Variants in CTNNA2 observed in about 807,000 individuals in gnomAD.
The protein encoded by CTNNA2 is catenin alpha-2.
CTNNA2 carries 42 observed loss-of-function variants against 101.0 expected under a neutral mutation model. That is an observed-to-expected ratio of 0.42 (90% CI 0.32 to 0.54). The LOEUF is 0.54. Among genes scored for constraint, CTNNA2 ranks in the 20% least tolerant of loss-of-function variants. The pLI is 0.14. For missense variants in CTNNA2, 871 were observed against 1,223.1 expected, an observed-to-expected ratio of 0.71 and a Z score of 4.29; for synonymous variants, 450 against 456.4, an observed-to-expected ratio of 0.99 and a Z score of 0.18.
At chr2:79,366,179 A>T (rs1479111863) in intron 3 of CTNNA2, among the ~76,000 whole-genome samples, 1 of 152,212 alleles carries the variant, frequency 6.6e-6, no homozygotes, top group Non-Finnish European at 1.5e-5. Context: ...TTGATAATGA[A>T]ACAAACATTT....
chr2:80,428,045 C>T (rs1260920907), intron 9 of CTNNA2, among the ~76,000 whole-genome samples: 1 of 152,124 alleles, frequency 6.6e-6, no homozygotes, highest in Non-Finnish European at 1.5e-5. Flanking sequence ...AAAGTCTTCC[C>T]TTCTAAGATG....
intron 18 of CTNNA2, among the ~76,000 whole-genome samples, chr2:80,628,134 G>C (rs1398129556): frequency 1.3e-5 from 2 of 152,126 alleles, no homozygotes; most frequent in Admixed American, 6.5e-5. Flanking sequence ...AAATGGAAAA[G>C]CATTCCATGC....
chr2:79,925,689 C>T (rs1686974156), intron 7 of CTNNA2, among the ~76,000 whole-genome samples: 1 of 152,002 alleles, frequency 6.6e-6, no homozygotes, highest in Non-Finnish European at 1.5e-5. Context: ...TAGTAAGTGA[C>T]CAGGAGAGAG....
intron 12 of CTNNA2, among the ~76,000 whole-genome samples, chr2:80,564,130 A>T (rs368701200): frequency 6.6e-6 from 1 of 152,196 alleles, no homozygotes. Context: ...TTAATGATCA[A>T]GATAAGAATC....
At chr2:80,415,505 A>G (rs1271526586) in intron 8 of CTNNA2, among the ~76,000 whole-genome samples, 1 of 152,150 alleles carries the variant, frequency 6.6e-6, no homozygotes, top group Non-Finnish European at 1.5e-5. Flanking sequence ...CATTAGACAG[A>G]ACTGAGAAAG....
intron 4 of CTNNA2, among the ~76,000 whole-genome samples, chr2:79,867,269 T>G (rs561928725): frequency 5.3e-5 from 8 of 152,334 alleles, no homozygotes; most frequent in Admixed American, 4.6e-4. Context: ...ATATTAATTT[T>G]GAATTGTCAA....
At chr2:80,072,881 T>C (rs1280648555) in intron 7 of CTNNA2, among the ~76,000 whole-genome samples, 1 of 152,194 alleles carries the variant, frequency 6.6e-6, no homozygotes, top group African/African-American at 2.4e-5. Context: ...ATGTTCCATT[T>C]GATATTATTG....
chr2:79,727,903 G>C (rs958440614), intron 2 of CTNNA2, among the ~76,000 whole-genome samples: 2 of 151,928 alleles, frequency 1.3e-5, no homozygotes, highest in African/African-American at 2.4e-5. Context: ...CAAAGGACAT[G>C]AACTCATCAT....
intron 3 of CTNNA2, among the ~76,000 whole-genome samples, chr2:79,322,901 C>T (rs1338481522): frequency 2.6e-5 from 4 of 152,200 alleles, no homozygotes; most frequent in African/African-American, 9.7e-5. Flanking sequence ...GTGGCTTTCA[C>T]TAGTGAGGCA....
chr2:79,380,389 A>T (rs201609842), intron 4 of CTNNA2, among the ~76,000 whole-genome samples: 1 of 10,916 alleles, frequency 9.2e-5, no homozygotes, highest in African/African-American at 2.4e-4. Context: ...TTTTATGAAA[A>T]TGGAAGATTT....
chr2:79,283,296 C>T (rs1236743748), intron 2 of CTNNA2, among the ~76,000 whole-genome samples: 2 of 111,946 alleles, frequency 1.8e-5, no homozygotes, highest in Admixed American at 9.7e-5. Context: ...TCTTTTGTTG[C>T]CATTGCTTTT....
At chr2:79,472,118 C>A (rs190439485) in intron 4 of CTNNA2, among the ~76,000 whole-genome samples, 33 of 152,242 alleles carry the variant, frequency 2.2e-4, no homozygotes, top group Middle Eastern at 3.4e-3. Flanking sequence ...TGAAATCAAA[C>A]AAGTTATGTG....
chr2:80,595,715 T>C (rs1249933263), intron 15 of CTNNA2, among the ~76,000 whole-genome samples: 1 of 152,184 alleles, frequency 6.6e-6, no homozygotes, highest in Non-Finnish European at 1.5e-5. Flanking sequence ...TATGTTCTGT[T>C]GGTGTATATG....
chr2:80,080,017 G>C (rs1194692430), intron 7 of CTNNA2, among the ~76,000 whole-genome samples: 1 of 152,022 alleles, frequency 6.6e-6, no homozygotes, highest in Non-Finnish European at 1.5e-5. Context: ...ATAATGATTT[G>C]AGCCTTGCAC....
At chr2:79,299,537 TGATGGGAG>T (rs1676059548) in intron 2 of CTNNA2, among the ~76,000 whole-genome samples, 1 of 152,166 alleles carries the variant, frequency 6.6e-6, no homozygotes, top group Non-Finnish European at 1.5e-5. Context: ...GCCAAACCGG[TGATGGGAG>T]AAATTAAAAA....
rs1055850401 is a variant in CTNNA2 at position 79,401,688 on chromosome 2, C to T, written c.-135+27675C>T. Reference sequence around the variant, plus strand: ...GAAAACAAACCAGTAATGATAAAATCGAAAAACTAAAAAAAACCCAGATGT... The same window carrying T: ...GAAAACAAACCAGTAATGATAAAATTGAAAAACTAAAAAAAACCCAGATGT... On this transcript the variant is annotated intron_variant, in intron 4 of 21. Transcript: ENST00000466387. Among the ~76,000 whole-genome samples, 13 of 150,636 alleles carry T rather than the reference C, an allele frequency of 8.6e-5. No homozygotes were observed. The East Asian group carries it at 1.2e-3, about 14-fold the overall frequency.
chr2:79,786,512 G>C (rs1488504608), intron 3 of CTNNA2, among the ~76,000 whole-genome samples: 4 of 151,518 alleles, frequency 2.6e-5, no homozygotes, highest in Non-Finnish European at 5.9e-5. Context: ...TTTTGGATGT[G>C]TTGGGGGAAT....
intron 7 of CTNNA2, among the ~76,000 whole-genome samples, chr2:79,968,362 G>A (rs1289134654): frequency 6.6e-6 from 1 of 152,236 alleles, no homozygotes; most frequent in South Asian, 2.1e-4. Flanking sequence ...AAATTCATGA[G>A]AACAGAAAAT....
At chr2:79,407,568 C>T (rs1394444289) in intron 4 of CTNNA2, among the ~76,000 whole-genome samples, 1 of 151,942 alleles carries the variant, frequency 6.6e-6, no homozygotes, top group Non-Finnish European at 1.5e-5. Flanking sequence ...CTGTCATGCT[C>T]TTACCCTCTC....
Sources: gnomAD v4.1 joint callset for allele counts (sites outside exome capture counted in the v4.1 genomes callset) on GRCh38, gnomAD v4.1.1 for gene constraint, MANE v1.5 for transcripts, NCBI Gene and HGNC (gene_info 2026-07-23, HGNC 2026-07-21) for gene names.